SVBP: variants seen among roughly 807,000 people sequenced by gnomAD.
The protein encoded by SVBP is small vasohibin-binding protein.
Under a neutral mutation model 9.2 loss-of-function variants are expected in SVBP, and 9 were observed. The ratio of observed to expected loss-of-function variants is 0.98; its 90% CI spans 0.59 to 1.71. The LOEUF is 1.71. Ranked by LOEUF, SVBP falls within the 40% of genes most tolerant of loss-of-function variation. SVBP has a pLI of 0.00. For missense variants in SVBP, 63 were observed against 73.2 expected, an observed-to-expected ratio of 0.86 and a Z score of 0.51; for synonymous variants, 27 against 23.9, an observed-to-expected ratio of 1.13 and a Z score of -0.37.
At chr1:42,813,099 A>C (rs1266182714) in intron 2 of SVBP, among the ~76,000 whole-genome samples, 1 of 152,216 alleles carries the variant, frequency 6.6e-6, no homozygotes, top group Non-Finnish European at 1.5e-5. Context: ...GAAAAATACT[A>C]ATTTGCTAAG....
At position 42,807,509 on chromosome 1, in the gene SVBP, GAGAA is replaced by G. The variant is rs1653987041; in HGVS notation, c.115-13_115-10del. On this transcript the variant is annotated splice_polypyrimidine_tract_variant and intron_variant, in intron 2 of 2. Coordinates refer to ENST00000372521, the MANE Select transcript of SVBP (RefSeq NM_199342.4). ...CTGTTGAGGGCATAGATCTGAATGA[GAGAA>G]AGAGATACATCTGTTAGCAATGGAA... The G allele has an allele frequency of 5.0e-6, 8 of 1,605,310 alleles. No individual in the cohort carries two copies. Among genetic ancestry groups the G allele is most frequent in the Non-Finnish European group, 6.8e-6 (8 of 1,172,274 alleles).
At chr1:42,811,010 G>A (rs1366535707) in intron 2 of SVBP, among the ~76,000 whole-genome samples, 2 of 152,218 alleles carry the variant, frequency 1.3e-5, no homozygotes, top group Non-Finnish European at 2.9e-5. Flanking sequence ...ATGGTGGCGG[G>A]TGCCTGTAAT....
At position 42,807,433 on chromosome 1, in the gene SVBP, A is replaced by C. The variant is rs767279219; in HGVS notation, c.182T>G (p.Met61Arg). 1 of 1,613,924 alleles carries C rather than the reference A, an allele frequency of 6.2e-7. No individual in the cohort carries two copies. The highest frequency in any genetic ancestry group is 1.1e-5 in the South Asian group (1 of 91,064). ...GGGGCCTCATTCTCCAGGAGGCTGCATCTGTTTACAGAACTCATCAAACTG... is the reference window on the plus strand; with the variant it reads ...GGGGCCTCATTCTCCAGGAGGCTGCCTCTGTTTACAGAACTCATCAAACTG... The part of the protein sequence containing the change: ...QQQFDEFCKQ[M>R]QPPGE Residue 61 changes from methionine (M) to arginine (R), a missense_variant, in exon 3 of 3, where the codon ATG becomes AGG. Coordinates refer to ENST00000372521, the MANE Select transcript of SVBP (RefSeq NM_199342.4).
At chr1:42,815,884 G>A (rs963749009) in intron 2 of SVBP, among the ~76,000 whole-genome samples, 7 of 151,974 alleles carry the variant, frequency 4.6e-5, no homozygotes, top group Non-Finnish European at 8.8e-5. Flanking sequence ...AAACAAAGAG[G>A]GAAAAAGAGA....
At chr1:42,816,735 C>G (rs1654221607) in intron 1 of SVBP, 155 bp from the exon 2 acceptor site, 1 of 540,146 alleles carries the variant, frequency 1.9e-6, no homozygotes, top group African/African-American at 1.9e-5. Context: ...GAGTAGGAAC[C>G]GAGTCCCAAG....
chr1:42,808,614 A>G (rs1330616290), intron 2 of SVBP, among the ~76,000 whole-genome samples: 1 of 147,994 alleles, frequency 6.8e-6, no homozygotes, highest in Non-Finnish European at 1.5e-5. Flanking sequence ...TATATATATA[A>G]CCTATAATAT....
chr1:42,810,678 A>G (rs903406656), intron 2 of SVBP, among the ~76,000 whole-genome samples: 1 of 152,072 alleles, frequency 6.6e-6, no homozygotes, highest in Non-Finnish European at 1.5e-5. Context: ...GGACCCTAGC[A>G]GTGTCAAACG....
intron 2 of SVBP, among the ~76,000 whole-genome samples, chr1:42,814,808 G>A (rs1408716078): frequency 6.6e-6 from 1 of 152,124 alleles, no homozygotes; most frequent in Non-Finnish European, 1.5e-5. Context: ...AAGACAATGT[G>A]GTGATTCCTC....
rs199697064 is a variant in SVBP, at chr1:42,807,169, TAAA to T, written c.*242_*244del. On this transcript the variant is annotated 3_prime_UTR_variant, in exon 3 of 3. Coordinates refer to ENST00000372521, the MANE Select transcript of SVBP (RefSeq NM_199342.4). ...TTTGTGTGTGTTTTTTTTTTTTTTT[TAAA>T]AAAACCCAAAAAACAAAACCACTGT... The T allele has an allele frequency of 1.3e-4, 35 of 268,734 alleles. No individual in the cohort carries two copies. Among genetic ancestry groups the T allele is most frequent in the Middle Eastern group, 1.1e-3 (1 of 908 alleles). 16.6% of individuals were successfully genotyped at this position (268,734 alleles called of 1,614,324 possible).
At chr1:42,815,083 C>G (rs1054295659) in intron 2 of SVBP, among the ~76,000 whole-genome samples, 4 of 151,928 alleles carry the variant, frequency 2.6e-5, no homozygotes, top group Non-Finnish European at 5.9e-5. Flanking sequence ...ATGGATGAAG[C>G]TGGAAACCAT....
intron 2 of SVBP, among the ~76,000 whole-genome samples, chr1:42,810,103 C>CACACACACACACATACATACAT (rs1219319488): frequency 7.1e-6 from 1 of 141,394 alleles, no homozygotes; most frequent in Non-Finnish European, 1.5e-5. Context: ...TTAACACACA[C>CACACACACACACATACATACAT]ACACACACAC....
intron 2 of SVBP, among the ~76,000 whole-genome samples, chr1:42,808,737 T>C (rs1238810352): frequency 6.6e-6 from 1 of 151,858 alleles, no homozygotes; most frequent in Non-Finnish European, 1.5e-5. Flanking sequence ...TGCTGTGTTG[T>C]CCAGGCTGGA....
intron 2 of SVBP, among the ~76,000 whole-genome samples, chr1:42,814,090 C>CTT (rs548637240): frequency 2.6e-4 from 37 of 144,498 alleles, no homozygotes; most frequent in African/African-American, 6.2e-4. Flanking sequence ...AGTTCTTTTT[C>CTT]TTTTTTTTTT....
chr1:42,816,315 C>G, intron 2 of SVBP, 116 bp downstream of exon 2: 1 of 749,138 alleles, frequency 1.3e-6, no homozygotes, highest in Non-Finnish European at 2.3e-6. Context: ...TGGGAGAACA[C>G]CCATCCTGCC....
At chr1:42,810,902 G>A (rs975478411) in intron 2 of SVBP, among the ~76,000 whole-genome samples, 2 of 152,198 alleles carry the variant, frequency 1.3e-5, no homozygotes, top group African/African-American at 4.8e-5. Flanking sequence ...CACTTTGGGA[G>A]GCCGAGGTGT....
intron 2 of SVBP, among the ~76,000 whole-genome samples, chr1:42,810,730 C>A (rs1199161072): frequency 1.3e-5 from 2 of 152,138 alleles, no homozygotes; most frequent in African/African-American, 4.8e-5. Flanking sequence ...CATTCACCTC[C>A]CACATCTCTC....
chr1:42,813,756 T>C (rs956005921), intron 2 of SVBP: 1 of 526,384 alleles, frequency 1.9e-6, no homozygotes, highest in Non-Finnish European at 3.9e-6. Context: ...ATGGTTTTCT[T>C]ATCTGTAGCT....
In SVBP at chr1:42,807,282, G is replaced by C. The variant is rs1045427753; in HGVS notation, c.*132C>G. ...CAGTGAAGTTAGAAGTTACACACAG[G>C]AAGTGAGTTCAGATTTATCCACAAA... On this transcript the variant is annotated 3_prime_UTR_variant, in exon 3 of 3. Transcript: ENST00000372521. The C allele has an allele frequency of 5.2e-6, 3 of 574,130 alleles. No individual in the cohort carries two copies. The highest frequency in any genetic ancestry group is 9.4e-6 in the Non-Finnish European group (3 of 318,410). 35.6% of individuals were successfully genotyped at this position (574,130 alleles called of 1,614,324 possible).
At chr1:42,808,342 T>C (rs1226099538) in intron 2 of SVBP, among the ~76,000 whole-genome samples, 2 of 143,564 alleles carry the variant, frequency 1.4e-5, no homozygotes, top group African/African-American at 5.1e-5. Flanking sequence ...TCCCAAAGTG[T>C]ATACATATAT....
Sources: gnomAD v4.1 joint callset for allele counts (sites outside exome capture counted in the v4.1 genomes callset) on GRCh38, gnomAD v4.1.1 for gene constraint, MANE v1.5 for transcripts, NCBI Gene and HGNC (gene_info 2026-07-23, HGNC 2026-07-21) for gene names.